Variants in ADAM29 observed in about 807,000 individuals in gnomAD.
ADAM29 encodes the protein disintegrin and metalloproteinase domain-containing protein 29.
For missense variants in ADAM29, 969 were observed against 1,001.8 expected (o/e 0.97, Z 0.44); for synonymous variants, 367 against 342.3 (o/e 1.07, Z -0.80).
chr4:174,931,543 T>G (rs1173769468), intron 3 of ADAM29: 1 of 152,190 alleles, frequency 6.6e-6, no homozygotes, highest in Non-Finnish European at 1.5e-5. Flanking sequence ...TGAATCTATA[T>G]ATTTTCCCGA....
At chr4:174,934,956 A>G (rs751271423) in intron 3 of ADAM29, among the ~76,000 whole-genome samples, 2 of 152,190 alleles carry the variant, frequency 1.3e-5, no homozygotes, top group African/African-American at 2.4e-5. Flanking sequence ...TTCATATTAT[A>G]TTACCTGAAT....
chr4:174,962,622 A>T (rs1745907920), intron 4 of ADAM29, among the ~76,000 whole-genome samples: 1 of 152,122 alleles, frequency 6.6e-6, no homozygotes, highest in Admixed American at 6.5e-5. Flanking sequence ...GCTAGAGTGG[A>T]TTTTAAGTGT....
chr4:174,952,711 T>C (rs570248999), intron 4 of ADAM29, among the ~76,000 whole-genome samples: 32 of 143,120 alleles, frequency 2.2e-4, no homozygotes, highest in Non-Finnish European at 4.1e-4. Flanking sequence ...TATTCTGTCG[T>C]TCACCTCTAG....
intron 4 of ADAM29, among the ~76,000 whole-genome samples, chr4:174,945,344 T>G (rs1473814521): frequency 2.6e-5 from 4 of 152,288 alleles, no homozygotes; most frequent in Admixed American, 2.6e-4. Context: ...AATGGGTTGT[T>G]TGTTTTTACT....
intron 4 of ADAM29, among the ~76,000 whole-genome samples, chr4:174,959,588 G>T (rs1405232510): frequency 1.3e-5 from 2 of 151,114 alleles, no homozygotes; most frequent in African/African-American, 4.9e-5. Context: ...TAAAGTTCAT[G>T]GCCATTTTAG....
chr4:174,963,761 C>T lies in ADAM29; in HGVS notation c.-180-11585C>T, dbSNP rs564692938. On this transcript the variant is annotated intron_variant, in intron 4 of 4. Transcript: ENST00000359240. ...GCAGTGGCACGATCTCGGCTCACTG[C>T]AACCTCTGCCTCCTGGGTTCAAGCG... Among the ~76,000 whole-genome samples the T allele has an allele frequency of 9.2e-5, 14 of 152,296 alleles. No individual in the cohort carries two copies. In the South Asian group the frequency reaches 2.9e-3, roughly 32 times the overall value.
At chr4:174,928,569 T>TAAAA (rs70947474) in intron 2 of ADAM29, among the ~76,000 whole-genome samples, 1 of 131,814 alleles carries the variant, frequency 7.6e-6, no homozygotes, top group African/African-American at 2.8e-5. Flanking sequence ...GTCATGTGCT[T>TAAAA]AAAAAAAAAA....
rs940388940 is a variant in ADAM29 at position 174,975,574 on chromosome 4, T to C, written c.49T>C (p.Ser17Pro). The change falls in exon 5 of 5, where the codon TCT becomes CCT. Residue 17 changes from serine to proline, a missense_variant. By Grantham distance (74) the Ser-to-Pro change is moderately conservative (BLOSUM62 -1). Coordinates refer to ENST00000359240, the MANE Select transcript of ADAM29 (RefSeq NM_014269.4). ...LHCLGVFLSC[S>P]GHIQDEHPQY... ...TTGCCTTGGGGTGTTTCTGTCCTGT[T>C]CTGGACACATCCAGGATGAGCACCC... 1 of 1,576,214 alleles carries C rather than the reference T, an allele frequency of 6.3e-7. No individual in the cohort carries two copies. The highest frequency in any genetic ancestry group is 1.8e-5 in the Admixed American group (1 of 54,258).
intron 2 of ADAM29, among the ~76,000 whole-genome samples, chr4:174,928,346 T>G (rs999580100): frequency 6.6e-5 from 10 of 152,028 alleles, no homozygotes; most frequent in Non-Finnish European, 1.2e-4. Flanking sequence ...AGATGTTTTT[T>G]GCCAGCTTTG....
chr4:174,952,523 T>C (rs1365605513), intron 4 of ADAM29, among the ~76,000 whole-genome samples: 1 of 152,192 alleles, frequency 6.6e-6, no homozygotes, highest in Non-Finnish European at 1.5e-5. Flanking sequence ...GTTAATATAT[T>C]TTTTAAAGAA....
chr4:174,924,418 A>G (rs1398073220), intron 2 of ADAM29, among the ~76,000 whole-genome samples: 2 of 152,250 alleles, frequency 1.3e-5, no homozygotes, highest in Admixed American at 6.5e-5. Flanking sequence ...TTACAAAGTT[A>G]GAGATAGTCT....
At position 174,975,896 on chromosome 4, in the gene ADAM29, A is replaced by T; in HGVS notation, c.371A>T (p.Gln124Leu). 1 of 1,613,388 alleles carries T rather than the reference A, an allele frequency of 6.2e-7. No homozygotes were observed. The highest frequency in any genetic ancestry group is 2.2e-5 in the East Asian group (1 of 44,878). ...VSLSTCFGGF[Q>L]GILQINDFAY... ...CTCAGTACCTGTTTTGGGGGTTTTC[A>T]AGGAATATTACAGATAAATGACTTT... The change falls in exon 5 of 5, where the codon CAA becomes CTA. Residue 124 changes from glutamine to leucine, a missense_variant. Physicochemically the swap from Gln to Leu is moderately radical, Grantham distance 113. Transcript: ENST00000359240.
intron 4 of ADAM29, among the ~76,000 whole-genome samples, chr4:174,968,772 CA>C (rs1320831305): frequency 4.1e-3 from 36 of 8,740 alleles, no homozygotes; most frequent in Middle Eastern, 0.033. Context: ...ACTTTCCGCC[CA>C]CACACACACA....
intron 4 of ADAM29, among the ~76,000 whole-genome samples, chr4:174,937,564 A>G (rs1744274403): frequency 6.6e-6 from 1 of 152,024 alleles, no homozygotes; most frequent in Non-Finnish European, 1.5e-5. Flanking sequence ...CAGAATTTCT[A>G]TACCAAAAAC....
At chr4:174,940,361 C>T (rs984136446) in intron 4 of ADAM29, among the ~76,000 whole-genome samples, 12 of 151,946 alleles carry the variant, frequency 7.9e-5, no homozygotes, top group African/African-American at 2.2e-4. Flanking sequence ...TAGACAAAAC[C>T]GCAATGTTAA....
chr4:174,973,401 G>A (rs541320942), intron 4 of ADAM29, among the ~76,000 whole-genome samples: 2 of 152,228 alleles, frequency 1.3e-5, no homozygotes, highest in South Asian at 4.1e-4. Flanking sequence ...ACCAACTTTG[G>A]TAACTCTGAT....
rs185592786 is a variant in ADAM29 at position 174,929,332 on chromosome 4, G to T, written c.-450-1654G>T. Reference sequence around the variant, plus strand: ...ATTCTGATGCTTTCAAAAAGACCCAGCCACCTCTTTTTGATCACTTTGTAA... The same window carrying T: ...ATTCTGATGCTTTCAAAAAGACCCATCCACCTCTTTTTGATCACTTTGTAA... On this transcript the variant is annotated intron_variant, in intron 2 of 4. Transcript: ENST00000359240. Among the ~76,000 whole-genome samples, 288 of 152,220 alleles carry T rather than the reference G, an allele frequency of 1.9e-3. 4 individuals are homozygous for T. Among genetic ancestry groups the T allele is most frequent in the Admixed American group, 7.3e-3 (111 of 15,280 alleles).
intron 4 of ADAM29, among the ~76,000 whole-genome samples, chr4:174,952,510 C>A (rs770392515): frequency 6.6e-6 from 1 of 152,032 alleles, no homozygotes; most frequent in Admixed American, 6.6e-5. Flanking sequence ...TTTCAGATAT[C>A]CAGTTAATAT....
intron 4 of ADAM29, among the ~76,000 whole-genome samples, chr4:174,953,174 T>C (rs1472372020): frequency 6.6e-6 from 1 of 151,990 alleles, no homozygotes; most frequent in Non-Finnish European, 1.5e-5. Flanking sequence ...TAGTCCCAGC[T>C]ACTTGGGAGG....
Sources: allele counts gnomAD v4.1 joint callset (sites outside exome capture counted in the v4.1 genomes callset), GRCh38; gene constraint gnomAD v4.1.1; transcripts MANE v1.5; gene names NCBI Gene and HGNC (gene_info 2026-07-23, HGNC 2026-07-21).